CCDC178: variants seen among roughly 807,000 people sequenced by gnomAD.
CCDC178 encodes coiled-coil domain-containing protein 178.
In CCDC178, 126 loss-of-function variants were observed where a neutral mutation model predicts 117.4. That is an observed-to-expected ratio of 1.07 (90% CI 0.93 to 1.24). The LOEUF (loss-of-function observed/expected upper bound fraction) is 1.24, where lower values mean the gene tolerates loss of function less well. CCDC178 is among the 50% of genes most tolerant of loss of function. The probability of loss-of-function intolerance (pLI) is 0.00; values close to 1 mark genes in which losing one functional copy is unlikely to be tolerated. For missense variants in CCDC178, 1,030 were observed against 986.9 expected (o/e 1.04, Z -0.59); for synonymous variants, 283 against 313.4 (o/e 0.90, Z 1.02).
chr18:33,179,075 AAAAATATAT>A (rs2058697567), intron 20 of CCDC178, among the ~76,000 whole-genome samples: 1 of 89,636 alleles, frequency 1.1e-5, no homozygotes, highest in Non-Finnish European at 2.0e-5. Flanking sequence ...AAAAAAAAAA[AAAAATATAT>A]ATATATATAT....
intron 9 of CCDC178, among the ~76,000 whole-genome samples, chr18:33,339,565 G>A (rs1328020280): frequency 6.6e-6 from 1 of 151,672 alleles, no homozygotes; most frequent in African/African-American, 2.4e-5. Context: ...GAGAGACCTT[G>A]ATATGTTTTG....
chr18:33,231,878 T>C (rs2059372621), intron 15 of CCDC178, among the ~76,000 whole-genome samples: 1 of 152,152 alleles, frequency 6.6e-6, no homozygotes, highest in Non-Finnish European at 1.5e-5. Flanking sequence ...GAGCAGCCTC[T>C]TCCATGCTTG....
intron 12 of CCDC178, among the ~76,000 whole-genome samples, chr18:33,288,787 A>C (rs1188843939): frequency 2.0e-5 from 3 of 152,160 alleles, no homozygotes; most frequent in African/African-American, 7.2e-5. Flanking sequence ...CTACACAATG[A>C]TAGGACTGAG....
chr18:33,296,674 T>C (rs1444979500), intron 11 of CCDC178, among the ~76,000 whole-genome samples: 2 of 152,082 alleles, frequency 1.3e-5, no homozygotes, highest in Non-Finnish European at 2.9e-5. Context: ...CATACTCAAA[T>C]AGGGGAAAGT....
At chr18:33,319,210 G>A (rs1322420545) in intron 11 of CCDC178, among the ~76,000 whole-genome samples, 1 of 151,470 alleles carries the variant, frequency 6.6e-6, no homozygotes, top group East Asian at 2.0e-4. Context: ...CCTCATGACA[G>A]GCCCCAGTGT....
At chr18:33,331,026 CTT>C (rs67153629) in intron 10 of CCDC178, among the ~76,000 whole-genome samples, 10 of 45,054 alleles carry the variant, frequency 2.2e-4, no homozygotes, top group South Asian at 8.0e-4. Flanking sequence ...ACAAACATTG[CTT>C]TTTTTTTTTT....
intron 20 of CCDC178, among the ~76,000 whole-genome samples, chr18:33,119,729 T>C (rs980265553): frequency 6.6e-6 from 1 of 152,170 alleles, no homozygotes; most frequent in Non-Finnish European, 1.5e-5. Context: ...TAAAGACACA[T>C]GCACACGTAT....
chr18:33,147,635 A>G (rs1438388938), intron 20 of CCDC178, among the ~76,000 whole-genome samples: 39 of 151,992 alleles, frequency 2.6e-4, no homozygotes, highest in Non-Finnish European at 2.9e-5. Context: ...CCCTTAATCC[A>G]TTTAACCCTG....
intron 11 of CCDC178, among the ~76,000 whole-genome samples, chr18:33,322,822 A>G (rs2062530955): frequency 6.6e-6 from 1 of 151,402 alleles, no homozygotes; most frequent in African/African-American, 2.4e-5. Flanking sequence ...ATTTTGTATA[A>G]ATTAATTTTG....
chr18:32,964,969 T>C (rs1356033647), intron 22 of CCDC178, among the ~76,000 whole-genome samples: 1 of 151,964 alleles, frequency 6.6e-6, no homozygotes, highest in Non-Finnish European at 1.5e-5. Context: ...AACTTGTTTG[T>C]TTACTGTCTT....
At chr18:33,193,501 GT>G (rs1185609381) in intron 20 of CCDC178, among the ~76,000 whole-genome samples, 1 of 152,042 alleles carries the variant, frequency 6.6e-6, no homozygotes, top group Non-Finnish European at 1.5e-5. Context: ...AAGTCTTTAG[GT>G]TGAAATATAT....
chr18:33,064,278 C>A (rs540418676), intron 21 of CCDC178, among the ~76,000 whole-genome samples: 7 of 152,054 alleles, frequency 4.6e-5, no homozygotes, highest in Non-Finnish European at 7.4e-5. Context: ...TACAAGAGAA[C>A]ATAAGTAAGC....
chr18:33,201,982 T>G (rs993180510), intron 20 of CCDC178, among the ~76,000 whole-genome samples: 6 of 152,158 alleles, frequency 3.9e-5, no homozygotes, highest in Non-Finnish European at 7.4e-5. Context: ...TTTTTATGTG[T>G]TCCCCTGGTT....
chr18:33,197,702 C>T (rs917627561), intron 20 of CCDC178, among the ~76,000 whole-genome samples: 3 of 151,606 alleles, frequency 2.0e-5, no homozygotes, highest in African/African-American at 7.3e-5. Flanking sequence ...AAGAAGGATC[C>T]TTTATCTTAA....
At chr18:33,303,156 G>A (rs555146434) in intron 11 of CCDC178, among the ~76,000 whole-genome samples, 3 of 152,134 alleles carry the variant, frequency 2.0e-5, no homozygotes, top group South Asian at 4.1e-4. Flanking sequence ...AATCTTTAAA[G>A]TTTAAAAAGA....
At chr18:32,966,333 T>C (rs74883326) in intron 22 of CCDC178, among the ~76,000 whole-genome samples, 8,766 of 151,852 alleles carry the variant, frequency 0.058, 362 homozygotes, top group Non-Finnish European at 0.09. Context: ...AGAATTTTTA[T>C]TGGAACACAG....
chr18:32,994,205 T>C (rs1437458764), intron 21 of CCDC178, among the ~76,000 whole-genome samples: 5 of 152,184 alleles, frequency 3.3e-5, no homozygotes, highest in African/African-American at 1.2e-4. Flanking sequence ...CCTGAATGCT[T>C]GTATTCCATT....
chr18:33,020,920 TAC>T (rs2144827907), intron 21 of CCDC178, among the ~76,000 whole-genome samples: 1 of 152,344 alleles, frequency 6.6e-6, no homozygotes, highest in Non-Finnish European at 1.5e-5. Flanking sequence ...CACAGGACAC[TAC>T]AGCCATCACA....
At chr18:33,289,652 T>A (rs1193495528) in intron 12 of CCDC178, among the ~76,000 whole-genome samples, 2 of 151,890 alleles carry the variant, frequency 1.3e-5, no homozygotes, top group South Asian at 2.1e-4. Flanking sequence ...AAAACTTTTT[T>A]AAAAAAAGAT....
Sources: gnomAD v4.1 joint callset for allele counts (sites outside exome capture counted in the v4.1 genomes callset) on GRCh38, gnomAD v4.1.1 for gene constraint, MANE v1.5 for transcripts, NCBI Gene and HGNC (gene_info 2026-07-23, HGNC 2026-07-21) for gene names.